The following GRID1 variants were observed in gnomAD, a reference collection of about 807,000 sequenced individuals.
GRID1 encodes the protein glutamate receptor ionotropic, delta-1.
In GRID1, 28 loss-of-function variants were observed where a neutral mutation model predicts 98.0. That is an observed-to-expected ratio of 0.29 (90% confidence interval 0.21 to 0.39). The LOEUF is 0.39. GRID1 is among the 10% of genes least tolerant of loss of function. The pLI is 1.00. For synonymous variants in GRID1, 553 were observed against 538.5 expected (o/e 1.03, Z -0.37); for missense variants, 1,111 against 1,340.5 (o/e 0.83, Z 2.67).
At position 86,186,538 on chromosome 10, in the gene GRID1, T is replaced by A. The variant is rs372375787; in HGVS notation, c.520+19826A>T. ...GACTTTCTGCTTCTCTAAGGGACAA[T>A]GGGGCTTCAAGCTTCATAGCCACCA... On this transcript the variant is annotated intron_variant, in intron 3 of 15. Transcript: ENST00000327946. Among the ~76,000 whole-genome samples, 51 of 152,058 alleles carry A rather than the reference T, an allele frequency of 3.4e-4. 1 individual carries two copies. In the East Asian group the frequency reaches 3.9e-3, roughly 11 times the overall value.
At position 85,916,258 on chromosome 10, in the gene GRID1, C is replaced by T. The variant is rs761409712; in HGVS notation, c.727-19G>A. 6.3e-6 allele frequency: 10 copies of T among 1,596,208 alleles called. No individual in the cohort carries two copies. The highest frequency in any genetic ancestry group is 3.3e-5 in the South Asian group (3 of 90,672). On this transcript the variant is annotated intron_variant, in intron 4 of 15. Coordinates refer to ENST00000327946, the MANE Select transcript of GRID1 (RefSeq NM_017551.3). This position sits in a 1 kb window ranked among gnomAD's most constrained non-coding sequence, Gnocchi z 4.0. ...CCACGGCCTGCAGAGAGAAAAAGAA[C>T]GAACATGAACAGAAGCAAGACAGAA...
At chr10:85,804,059 G>GA (rs566848279) in intron 8 of GRID1, among the ~76,000 whole-genome samples, 15 of 147,164 alleles carry the variant, frequency 1.0e-4, no homozygotes, top group African/African-American at 1.7e-4. Flanking sequence ...CAATGAAATT[G>GA]AAAAAAAACA....
intron 3 of GRID1, among the ~76,000 whole-genome samples, chr10:86,169,808 T>TA (rs1380544502): frequency 6.6e-6 from 1 of 152,170 alleles, no homozygotes; most frequent in Non-Finnish European, 1.5e-5. Flanking sequence ...TCCCCAAAGA[T>TA]GTCCCATCCT....
intron 4 of GRID1, among the ~76,000 whole-genome samples, chr10:85,992,747 C>T (rs1842696970): frequency 6.6e-6 from 1 of 151,760 alleles, no homozygotes; most frequent in Non-Finnish European, 1.5e-5. Flanking sequence ...CCCAGGAGTT[C>T]AAGACCAGCC....
chr10:85,821,107 C>T (rs150554421), intron 8 of GRID1, among the ~76,000 whole-genome samples: 3 of 151,978 alleles, frequency 2.0e-5, no homozygotes, highest in East Asian at 3.9e-4. Flanking sequence ...TCTTAACAAA[C>T]ATTAACAGTG....
chr10:86,176,563 T>C (rs1339970445), intron 3 of GRID1, among the ~76,000 whole-genome samples: 1 of 152,078 alleles, frequency 6.6e-6, no homozygotes, highest in African/African-American at 2.4e-5. Context: ...GACGAGGAGA[T>C]GATCGTGCAA....
chr10:86,361,763 AT>A (rs1261938566), intron 2 of GRID1, among the ~76,000 whole-genome samples: 1 of 152,268 alleles, frequency 6.6e-6, no homozygotes, highest in African/African-American at 2.4e-5. Context: ...TCTTAAAAAA[AT>A]AAATCAGCAC....
intron 12 of GRID1, among the ~76,000 whole-genome samples, chr10:85,653,656 G>T (rs1219825766): frequency 6.6e-6 from 1 of 152,186 alleles, no homozygotes; most frequent in African/African-American, 2.4e-5. Context: ...ACCTTTAAAA[G>T]GTGATTGGAT....
At chr10:86,117,685 T>C (rs999557875) in intron 4 of GRID1, among the ~76,000 whole-genome samples, 3 of 152,180 alleles carry the variant, frequency 2.0e-5, no homozygotes, top group African/African-American at 7.2e-5. Flanking sequence ...AAAAGTGAAT[T>C]AGAATATCCC....
At chr10:86,003,573 G>A (rs2131876429) in intron 4 of GRID1, among the ~76,000 whole-genome samples, 1 of 152,320 alleles carries the variant, frequency 6.6e-6, no homozygotes, top group Non-Finnish European at 1.5e-5. Context: ...GCCACTCGTG[G>A]AGCCCAGGTG....
chr10:86,129,678 T>A (rs899372223), intron 4 of GRID1, among the ~76,000 whole-genome samples: 1 of 152,138 alleles, frequency 6.6e-6, no homozygotes, highest in Non-Finnish European at 1.5e-5. Context: ...TGGCCCCAGG[T>A]CACCTGCAGA....
intron 2 of GRID1, among the ~76,000 whole-genome samples, chr10:86,349,571 G>A (rs933196064): frequency 6.6e-6 from 1 of 152,212 alleles, no homozygotes; most frequent in Non-Finnish European, 1.5e-5. Flanking sequence ...GAGAGGCAGT[G>A]CCATCAGCTC....
At chr10:86,204,957 C>T (rs560064845) in intron 3 of GRID1, among the ~76,000 whole-genome samples, 4 of 150,128 alleles carry the variant, frequency 2.7e-5, no homozygotes, top group African/African-American at 4.9e-5. Context: ...TACAAAATCT[C>T]CAACTCCTCA....
intron 5 of GRID1, among the ~76,000 whole-genome samples, chr10:85,895,438 G>A (rs940522383): frequency 1.3e-5 from 2 of 152,002 alleles, no homozygotes; most frequent in Non-Finnish European, 2.9e-5. Flanking sequence ...AGTCCTTGTG[G>A]GAGCAGATGC....
chr10:85,861,653 C>T (rs908344585), intron 6 of GRID1, among the ~76,000 whole-genome samples: 4 of 152,202 alleles, frequency 2.6e-5, no homozygotes, highest in Admixed American at 1.3e-4. Flanking sequence ...GGCTCAGCCA[C>T]GGGAGCCTTT....
intron 5 of GRID1, among the ~76,000 whole-genome samples, chr10:85,909,107 A>G (rs1841501503): frequency 6.6e-6 from 1 of 152,238 alleles, no homozygotes; most frequent in Non-Finnish European, 1.5e-5. Flanking sequence ...AAAAAATCCA[A>G]TATAAATGGG....
intron 8 of GRID1, among the ~76,000 whole-genome samples, chr10:85,773,427 C>T (rs1465725409): frequency 3.3e-5 from 5 of 152,158 alleles, no homozygotes; most frequent in Non-Finnish European, 5.9e-5. Flanking sequence ...ACAGGGATGC[C>T]CCCTCTCACC....
At chr10:86,119,952 G>A (rs544006614) in intron 4 of GRID1, among the ~76,000 whole-genome samples, 4 of 152,016 alleles carry the variant, frequency 2.6e-5, no homozygotes, top group African/African-American at 4.8e-5. Flanking sequence ...CACCATGCCC[G>A]GCTAATTTTT....
At chr10:86,010,491 A>T (rs1307070749) in intron 4 of GRID1, among the ~76,000 whole-genome samples, 2 of 152,174 alleles carry the variant, frequency 1.3e-5, no homozygotes, top group African/African-American at 4.8e-5. Context: ...GGGATTCCAG[A>T]AAGTAAAGTT....
Sources: allele counts gnomAD v4.1 joint callset (sites outside exome capture counted in the v4.1 genomes callset), GRCh38; gene constraint gnomAD v4.1.1; non-coding constraint Gnocchi (gnomAD v3.1); transcripts MANE v1.5; gene names NCBI Gene and HGNC (gene_info 2026-07-23, HGNC 2026-07-21).